TUSC3: variants seen among roughly 807,000 people sequenced by gnomAD.
TUSC3 encodes dolichyl-diphosphooligosaccharide--protein glycosyltransferase subunit TUSC3.
A neutral mutation model predicts 44.8 loss-of-function variants in TUSC3; 45 were observed. The ratio of observed to expected loss-of-function variants is 1.00; its 90% CI spans 0.79 to 1.29. The LOEUF is 1.29. Among genes scored for constraint, TUSC3 ranks in the 50% most tolerant of loss-of-function variants. TUSC3 has a pLI of 0.00. For missense variants in TUSC3, 519 were observed against 437.9 expected, an observed-to-expected ratio of 1.19 and a Z score of -1.65; for synonymous variants, 212 against 152.9, an observed-to-expected ratio of 1.39 and a Z score of -2.85.
chr8:15,800,591 AAG>A, the TUSC3 span, among the ~76,000 whole-genome samples: 1 of 151,830 alleles, frequency 6.6e-6, no homozygotes, highest in African/African-American at 2.4e-5. Context: ...AAAAAAAAGA[AAG>A]AAAGAAAAAC....
At chr8:15,742,838 A>G (rs1811252537) in intron 7 of TUSC3, among the ~76,000 whole-genome samples, 2 of 152,202 alleles carry the variant, frequency 1.3e-5, no homozygotes, top group Non-Finnish European at 2.9e-5. Context: ...ATGGCAAAGA[A>G]TGTTTTTATG....
At chr8:15,809,643 T>C in the TUSC3 span, among the ~76,000 whole-genome samples, 11 of 152,334 alleles carry the variant, frequency 7.2e-5, no homozygotes, top group Admixed American at 3.9e-4. Context: ...ATTATAACAA[T>C]ATGCTGTAAT....
chr8:15,640,138 C>T (rs1806298198), intron 2 of TUSC3, among the ~76,000 whole-genome samples: 1 of 152,140 alleles, frequency 6.6e-6, no homozygotes, highest in East Asian at 1.9e-4. Flanking sequence ...TGCTGAACAC[C>T]TGCTTTTTTT....
At chr8:15,672,635 G>T (rs1013451918) in intron 5 of TUSC3, among the ~76,000 whole-genome samples, 1 of 152,012 alleles carries the variant, frequency 6.6e-6, no homozygotes, top group African/African-American at 2.4e-5. Flanking sequence ...AGCACAGAAG[G>T]TTCTTGGGTA....
chr8:15,638,507 CTTTTTTTCTTTTTTTTTTTTTTTTTTT>C (rs1806197783), intron 2 of TUSC3, among the ~76,000 whole-genome samples: 1 of 112,678 alleles, frequency 8.9e-6, no homozygotes, highest in Non-Finnish European at 1.8e-5. Flanking sequence ...CTTTTTTTTT[CTTTTTTTCTTTTTTTTTTTTTTTTTTT>C]TTTTTGGAGA....
At chr8:15,806,644 C>G in the TUSC3 span, 2 of 1,306,396 alleles carry the variant, frequency 1.5e-6, no homozygotes, top group African/African-American at 1.5e-5. Context: ...GGACTTCAGG[C>G]TCTGGTGAGA....
At chr8:15,453,527 A>G (rs1800219382) in intron 1 of TUSC3, among the ~76,000 whole-genome samples, 1 of 152,228 alleles carries the variant, frequency 6.6e-6, no homozygotes, top group Admixed American at 6.5e-5. Flanking sequence ...GCTATGAAGC[A>G]TTTATCAAAT....
At chr8:15,519,750 C>T (rs1801269191) in intron 2 of TUSC3, among the ~76,000 whole-genome samples, 1 of 152,164 alleles carries the variant, frequency 6.6e-6, no homozygotes, top group South Asian at 2.1e-4. Context: ...TTAAGGGGAC[C>T]ACTGGATTAA....
chr8:15,567,768 T>C (rs529546905), intron 1 of TUSC3, among the ~76,000 whole-genome samples: 4 of 152,302 alleles, frequency 2.6e-5, no homozygotes, highest in Admixed American at 6.5e-5. Flanking sequence ...TTTGCCTCTC[T>C]ACAAAATTTT....
chr8:15,759,661 T>A (rs545922872), intron 10 of TUSC3, among the ~76,000 whole-genome samples: 9 of 152,178 alleles, frequency 5.9e-5, no homozygotes, highest in African/African-American at 2.2e-4. Flanking sequence ...CAAGCCCCTC[T>A]TGGAAACTTC....
intron 2 of TUSC3, among the ~76,000 whole-genome samples, chr8:15,493,499 G>A (rs1800837976): frequency 6.6e-6 from 1 of 152,110 alleles, no homozygotes; most frequent in Admixed American, 6.5e-5. Flanking sequence ...CTGGCCTTAA[G>A]CGATCCTCCC....
At chr8:15,474,075 A>G (rs988285009) in intron 1 of TUSC3, among the ~76,000 whole-genome samples, 1 of 152,094 alleles carries the variant, frequency 6.6e-6, no homozygotes, top group Non-Finnish European at 1.5e-5. Context: ...TTAATTATTA[A>G]TACTCCTTGC....
chr8:15,667,178 C>A (rs927134404), intron 5 of TUSC3, among the ~76,000 whole-genome samples: 28 of 151,524 alleles, frequency 1.8e-4, no homozygotes, highest in African/African-American at 6.5e-4. Flanking sequence ...AAATTGTTAT[C>A]CTCAATGCAT....
rs183599693 is a variant in TUSC3, at chr8:15,646,427, A to G, written c.309-4270A>G. On this transcript the variant is annotated intron_variant, in intron 2 of 10. Coordinates refer to ENST00000503731, the MANE Select transcript of TUSC3 (RefSeq NM_006765.4). ...TTTAGAATAGAGGCTAGAATCTACA[A>G]ATTGGTTATTGGGACATTAAATCTG... 4.9e-3 allele frequency among the ~76,000 whole-genome samples: 742 copies of G among 152,232 alleles called. 6 individuals carry two copies. The highest frequency in any genetic ancestry group is 0.017 in the African/African-American group (723 of 41,552).
the TUSC3 span, among the ~76,000 whole-genome samples, chr8:15,807,653 T>C: frequency 2.0e-5 from 3 of 152,280 alleles, no homozygotes; most frequent in African/African-American, 7.2e-5. Flanking sequence ...GAAAATGTGG[T>C]ACATATGCAT....
chr8:15,422,157 A>G (rs551870758), intron 1 of TUSC3, among the ~76,000 whole-genome samples: 1 of 152,328 alleles, frequency 6.6e-6, no homozygotes, highest in South Asian at 2.1e-4. Flanking sequence ...ATTATAATCA[A>G]TGAAAAGTTT....
At chr8:15,443,292 T>C (rs748860570) in intron 1 of TUSC3, among the ~76,000 whole-genome samples, 1 of 151,158 alleles carries the variant, frequency 6.6e-6, no homozygotes, top group Non-Finnish European at 1.5e-5. Context: ...CCTCAGCCTA[T>C]GAAATAGCTG....
chr8:15,430,318 T>C (rs1585785140), intron 1 of TUSC3, among the ~76,000 whole-genome samples: 1 of 149,392 alleles, frequency 6.7e-6, no homozygotes, highest in African/African-American at 2.5e-5. Flanking sequence ...GCAAGGCTGG[T>C]TCAACATAAA....
chr8:15,504,611 A>G (rs1585068768), intron 2 of TUSC3, among the ~76,000 whole-genome samples: 1 of 22,332 alleles, frequency 4.5e-5, no homozygotes, highest in Non-Finnish European at 7.2e-5. Context: ...ATATATATAT[A>G]TATATATATA....
Sources: allele counts gnomAD v4.1 joint callset (sites outside exome capture counted in the v4.1 genomes callset), GRCh38; gene constraint gnomAD v4.1.1; transcripts MANE v1.5; gene names NCBI Gene and HGNC (gene_info 2026-07-23, HGNC 2026-07-21).